COG8: variants seen among roughly 807,000 people sequenced by gnomAD.
COG8 encodes conserved oligomeric Golgi complex subunit 8.
A neutral mutation model predicts 46.5 loss-of-function variants in COG8; 45 were observed. The ratio of observed to expected loss-of-function variants is 0.97; its 90% CI spans 0.76 to 1.24. The LOEUF (loss-of-function observed/expected upper bound fraction) is 1.24, where lower values mean the gene tolerates loss of function less well. COG8 is among the 50% of genes most tolerant of loss of function. The pLI, the probability that COG8 is intolerant of heterozygous loss-of-function variation, is 0.00. For missense variants in COG8, 793 were observed against 820.8 expected (o/e 0.97, Z 0.41); for synonymous variants, 407 against 347.8 (o/e 1.17, Z -1.90).
chr16:69,336,770 C>T, intron 1 of COG8, 58 bp from the exon 2 acceptor site: 4 of 1,464,032 alleles, frequency 2.7e-6, no homozygotes, highest in Non-Finnish European at 3.8e-6. Context: ...ACCTTAGCTA[C>T]AGTTACCAAG....
In COG8 at chr16:69,335,075, T is replaced by A; in HGVS notation, c.859A>T (p.Thr287Ser). 4 of 1,614,104 alleles carry A rather than the reference T, an allele frequency of 2.5e-6. No homozygotes were observed. The highest frequency in any genetic ancestry group is 3.4e-6 in the Non-Finnish European group (4 of 1,180,018). Residue 287 changes from threonine to serine, a missense_variant, in exon 3 of 6, where the codon ACC becomes TCC. Thr to Ser is a moderately conservative substitution (Grantham distance 58, BLOSUM62 1). Coordinates refer to ENST00000306875, the MANE Select transcript of COG8 (RefSeq NM_032382.5). ...ASRVHLFDII[T>S]QYRAIFSDED... ...TCTGAGAAGATGGCACGGTACTGGG[T>A]GATGATATCAAAGAGATGGACACGG...
rs1182353534 is a variant in COG8 at position 69,334,864 on chromosome 16, C to G, written c.1070G>C (p.Ser357Thr). 1 of 1,614,206 alleles carries G rather than the reference C, an allele frequency of 6.2e-7. No homozygotes were observed. Among genetic ancestry groups the G allele is most frequent in the East Asian group, 2.2e-5 (1 of 44,882 alleles). The change falls in exon 3 of 6, where the codon AGC (serine) becomes ACC (threonine). Residue 357 changes from serine to threonine, a missense_variant. Transcript: ENST00000306875. ...GQCMYFGLSF[S>T]RVGADFRGQL... is the part of the protein sequence containing the mutation. ...ACCCCGGAAATCAGCTCCCACCCGG[C>G]TGAAGGACAGCCCAAAGTACATGCA...
chr16:69,328,735 T>C lies in COG8; in HGVS notation c.*471A>G, dbSNP rs1229899988. ...ACAGGTCCGAGGAACTCGTGTCTACTGCAGACGAATGCAATTACCCCACCT... is the reference window on the plus strand; with the variant it reads ...ACAGGTCCGAGGAACTCGTGTCTACCGCAGACGAATGCAATTACCCCACCT... On this transcript the variant is annotated 3_prime_UTR_variant, in exon 6 of 6. Coordinates refer to ENST00000306875, the MANE Select transcript of COG8 (RefSeq NM_032382.5). 2.5e-6 allele frequency: 1 copy of C among 396,514 alleles called. No homozygotes were observed. Among genetic ancestry groups the C allele is most frequent in the Non-Finnish European group, 4.5e-6 (1 of 222,316 alleles). 24.6% of individuals were successfully genotyped at this position (396,514 alleles called of 1,614,324 possible).
rs955711521 is a variant in COG8, at chr16:69,327,423, C to G, written c.*1783G>C. On this transcript the variant is annotated 3_prime_UTR_variant, in exon 6 of 6. Transcript: ENST00000306875. Reference sequence around the variant, plus strand: ...CCTCAGGTGATCTGCCTGCCTTGACCTCCCAAAGTGCTGGGATTACAGGCA... The same window carrying G: ...CCTCAGGTGATCTGCCTGCCTTGACGTCCCAAAGTGCTGGGATTACAGGCA... The G allele has an allele frequency of 1.3e-5, 2 of 152,010 alleles. No individual in the cohort carries two copies. Among genetic ancestry groups the G allele is most frequent in the Non-Finnish European group, 2.9e-5 (2 of 68,048 alleles). 9.4% of individuals were successfully genotyped at this position (152,010 alleles called of 1,614,324 possible).
At chr16:69,330,279 G>A (rs1042244698) in intron 5 of COG8, 1 of 1,434,374 alleles carries the variant, frequency 7.0e-7, no homozygotes, top group South Asian at 1.4e-5. Context: ...TGGACCAGCC[G>A]TTGCGTCAGC....
intron 3 of COG8, among the ~76,000 whole-genome samples, 172 bp from the exon 4 acceptor site, chr16:69,333,054 A>G (rs192560777): frequency 5.5e-4 from 83 of 152,136 alleles, no homozygotes; most frequent in African/African-American, 1.8e-3. Context: ...ATTGTCCACA[A>G]TTGTGTCACT....
rs756725465 is a variant in COG8 at position 69,335,049 on chromosome 16, G to A, written c.885C>T (p.Asp295=). 44 of 1,614,050 alleles carry A rather than the reference G, an allele frequency of 2.7e-5. No individual in the cohort carries two copies. Among genetic ancestry groups the A allele is most frequent in the South Asian group, 3.3e-5 (3 of 91,088 alleles). The change falls in exon 3 of 6, where the codon GAC becomes GAT. Residue 295 remains aspartate, a synonymous_variant. Transcript: ENST00000306875. ...TGGCAGGGGGCAGCAGTGGGTCCTC[G>A]TCTGAGAAGATGGCACGGTACTGGG... ...IITQYRAIFS[D]EDPLLPPAMG...
chr16:69,331,240 G>A (rs1472881190), intron 4 of COG8, 145 bp from the exon 5 acceptor site: 25 of 833,474 alleles, frequency 3.0e-5, no homozygotes, highest in Non-Finnish European at 4.5e-5. Flanking sequence ...ATCACCTGAG[G>A]TCAGGAATTC....
chr16:69,332,335 C>T (rs1004835174), intron 4 of COG8, among the ~76,000 whole-genome samples: 5 of 151,322 alleles, frequency 3.3e-5, no homozygotes, highest in East Asian at 3.9e-4. Context: ...GGCAACACAG[C>T]GAGACTCCGC....
intron 5 of COG8, chr16:69,330,058 GC>G: frequency 6.4e-7 from 1 of 1,556,286 alleles, no homozygotes; most frequent in Non-Finnish European, 8.7e-7. Context: ...CGCTCTCGCA[GC>G]CCTCGGGAAA....
Position 69,331,000 on chromosome 16 carries a change from C to T in COG8, c.1678G>A (p.Glu560Lys), listed in dbSNP as rs371613723. ...EPLAFILPKRETLFTLDDQAL... is the reference protein window; with the variant it reads ...EPLAFILPKRKTLFTLDDQAL... ...TGGTCATCCAGGGTGAAAAGCGTCT[C>T]TCTCTTTGGCAGGATAAAGGCGAGG... The change falls in exon 5 of 6, where the codon GAG becomes AAG. Residue 560 changes from glutamate to lysine, a missense_variant. Glu to Lys is a moderately conservative substitution (Grantham distance 56). Coordinates refer to ENST00000306875, the MANE Select transcript of COG8 (RefSeq NM_032382.5). 15 of 1,610,948 alleles carry T rather than the reference C, an allele frequency of 9.3e-6. No individual in the cohort carries two copies. The highest frequency in any genetic ancestry group is 1.1e-5 in the Non-Finnish European group (13 of 1,178,910).
In COG8 at chr16:69,327,690, G is replaced by A. The variant is rs1262484376; in HGVS notation, c.*1516C>T. The A allele has an allele frequency of 1.3e-5, 2 of 151,988 alleles. No individual in the cohort carries two copies. The highest frequency in any genetic ancestry group is 2.9e-5 in the Non-Finnish European group (2 of 68,006). 9.4% of individuals were successfully genotyped at this position (151,988 alleles called of 1,614,324 possible). A position where few individuals can be genotyped will look rare whatever the true frequency, so the allele number is the denominator to read the frequency against. On this transcript the variant is annotated 3_prime_UTR_variant, in exon 6 of 6. Coordinates refer to ENST00000306875, the MANE Select transcript of COG8 (RefSeq NM_032382.5). Reference sequence around the variant, plus strand: ...AAGAATACCTACTTTACAAAACTCAGCATAAAAATGAGGTGAAACAGTTTA... The same window carrying A: ...AAGAATACCTACTTTACAAAACTCAACATAAAAATGAGGTGAAACAGTTTA...
At chr16:69,336,807 GATCT>G (rs1376838691) in intron 1 of COG8, 95 bp from the exon 2 acceptor site, 2 of 1,077,938 alleles carry the variant, frequency 1.9e-6, no homozygotes, top group Non-Finnish European at 1.4e-6. Context: ...TGGGCTGGAT[GATCT>G]ATCTGATTTA....
chr16:69,338,869 G>GGTCC (rs936797186), intron 1 of COG8, among the ~76,000 whole-genome samples: 1 of 152,096 alleles, frequency 6.6e-6, no homozygotes, highest in African/African-American at 2.4e-5. Flanking sequence ...GCGCGCCTAT[G>GGTCC]GTCCCTGCTA....
intron 5 of COG8, chr16:69,329,906 G>T (rs538697979): frequency 8.1e-5 from 113 of 1,388,460 alleles, no homozygotes; most frequent in Admixed American, 5.6e-4. Context: ...GAGGTCCGGC[G>T]TATGAACCGC....
chr16:69,330,577 C>G lies in COG8; in HGVS notation c.*26+236G>C, dbSNP rs559003792. 6 of 1,454,622 alleles carry G rather than the reference C, an allele frequency of 4.1e-6. No individual in the cohort carries two copies. The South Asian group carries it at 8.2e-5, about 20-fold the overall frequency. 90.1% of individuals were successfully genotyped at this position (1,454,622 alleles called of 1,614,324 possible). ...CGCCCCACAGCCGGGCCATGGCGGC[C>G]CCCTTAACAGTGACCCGGCCCGCCC... is the stretch of plus-strand genomic sequence containing the variant. On this transcript the variant is annotated intron_variant, in intron 5 of 5. Transcript: ENST00000306875.
Position 69,339,307 on chromosome 16 carries a change from C to T in COG8, c.246G>A (p.Leu82=). Residue 82 remains leucine (L), a synonymous_variant, in exon 1 of 6, where the codon TTG becomes TTA. Transcript: ENST00000306875. ...RAQLLQQTRD[L]AFANYKTFIR... ...TGAAGGTCTTGTAGTTAGCGAAGGCCAAGTCGCGCGTCTGCTGCAGCAGCT... is the reference window on the plus strand; with the variant it reads ...TGAAGGTCTTGTAGTTAGCGAAGGCTAAGTCGCGCGTCTGCTGCAGCAGCT... 6.2e-7 allele frequency: 1 copy of T among 1,611,494 alleles called. No homozygotes were observed. The highest frequency in any genetic ancestry group is 8.5e-7 in the Non-Finnish European group (1 of 1,179,472).
At position 69,330,882 on chromosome 16, in the gene COG8, C is replaced by T. The variant is rs1362937831; in HGVS notation, c.1796G>A (p.Gly599Glu). Residue 599 changes from glycine to glutamate, a missense_variant, in exon 5 of 6, where the codon GGG (glycine) becomes GAG (glutamate). By Grantham distance (98) the Gly-to-Glu change is moderately conservative. Coordinates refer to ENST00000306875, the MANE Select transcript of COG8 (RefSeq NM_032382.5). ...EPAGPACPEG[G>E]RAETQAEPPS... ...CGGTTCGGCCTGCGTCTCCGCTCGCCCTCCCTCCGGGCAGGCTGGGCCCGC... is the reference window on the plus strand; with the variant it reads ...CGGTTCGGCCTGCGTCTCCGCTCGCTCTCCCTCCGGGCAGGCTGGGCCCGC... 2.6e-6 allele frequency: 4 copies of T among 1,547,746 alleles called. No individual in the cohort carries two copies. The highest frequency in any genetic ancestry group is 1.2e-5 in the South Asian group (1 of 84,112).
intron 3 of COG8, among the ~76,000 whole-genome samples, chr16:69,333,166 GTTTTTTTTT>G (rs554776759): frequency 1.5e-5 from 2 of 130,886 alleles, no homozygotes; most frequent in African/African-American, 2.8e-5. Context: ...CATGGTTTTG[GTTTTTTTTT>G]TTTTTTTTTT....
Sources: gnomAD v4.1 joint callset for allele counts (sites outside exome capture counted in the v4.1 genomes callset) on GRCh38, gnomAD v4.1.1 for gene constraint, MANE v1.5 for transcripts, NCBI Gene and HGNC (gene_info 2026-07-23, HGNC 2026-07-21) for gene names.